The following THOC5 variants were observed in gnomAD, a reference collection of about 807,000 sequenced individuals.
THOC5 encodes the protein Fms-interacting protein.
Under a neutral mutation model 92.9 loss-of-function variants are expected in THOC5, and 43 were observed. That is an observed-to-expected ratio of 0.46 (90% CI 0.36 to 0.60). The LOEUF (loss-of-function observed/expected upper bound fraction) is 0.60, where lower values mean the gene tolerates loss of function less well. Among genes scored for constraint, THOC5 ranks in the 20% least tolerant of loss-of-function variants. The pLI is 0.00. For missense variants in THOC5, 659 were observed against 849.4 expected, an observed-to-expected ratio of 0.78 and a Z score of 2.79; for synonymous variants, 296 against 320.1, an observed-to-expected ratio of 0.92 and a Z score of 0.80.
chr22:29,523,484 C>G (rs2063485187), intron 12 of THOC5, among the ~76,000 whole-genome samples: 1 of 152,180 alleles, frequency 6.6e-6, no homozygotes, highest in Non-Finnish European at 1.5e-5. Context: ...GATCAAGTCT[C>G]TAAGCCAACT....
At chr22:29,511,990 GCTC>G in intron 18 of THOC5, 28 bp downstream of exon 18, 1 of 1,595,932 alleles carries the variant, frequency 6.3e-7, no homozygotes, top group East Asian at 2.2e-5. Context: ...AGCTCTGCCT[GCTC>G]CTCCTGTCAT....
At chr22:29,539,126 A>C (rs1445736974) in intron 6 of THOC5, among the ~76,000 whole-genome samples, 2 of 151,616 alleles carry the variant, frequency 1.3e-5, no homozygotes, top group South Asian at 2.1e-4. Flanking sequence ...AAAAAAAAAA[A>C]AAAAACCCTT....
chr22:29,520,223 T>G (rs898548663), intron 13 of THOC5, 119 bp from the exon 14 acceptor site: 3 of 759,284 alleles, frequency 4.0e-6, no homozygotes, highest in Non-Finnish European at 6.2e-6. Context: ...GGTTTGGCCA[T>G]GTTCACAGCC....
Position 29,508,535 on chromosome 22 carries a change from G to C in THOC5, c.1989-15C>G. 6.2e-7 allele frequency: 1 copy of C among 1,608,634 alleles called. No individual in the cohort carries two copies. The highest frequency in any genetic ancestry group is 8.5e-7 in the Non-Finnish European group (1 of 1,175,016). ...TGCTAGGACCCCTAGAGAAATAGGA[G>C]AACGGAGTTGTTAATAACACACCTT... On this transcript the variant is annotated splice_polypyrimidine_tract_variant and intron_variant, in intron 19 of 19. Coordinates refer to ENST00000490103, the MANE Select transcript of THOC5 (RefSeq NM_003678.5).
intron 14 of THOC5, 63 bp downstream of exon 14, chr22:29,519,943 TAG>T (rs1183981263): frequency 4.3e-6 from 6 of 1,409,980 alleles, no homozygotes; most frequent in Non-Finnish European, 5.9e-6. Flanking sequence ...CTGGCCTTTC[TAG>T]AGTCTATACA....
chr22:29,538,547 C>T (rs931787058), intron 6 of THOC5, among the ~76,000 whole-genome samples: 3 of 151,998 alleles, frequency 2.0e-5, no homozygotes, highest in Non-Finnish European at 2.9e-5. Flanking sequence ...CCTGTAATCC[C>T]AGCACTTTGG....
At position 29,529,191 on chromosome 22, in the gene THOC5, G is replaced by A; in HGVS notation, c.896C>T (p.Ala299Val). ...GGAGTCCTCTGGAGGTTTGAACAGA[G>A]CCTTGGCTTCATCCACACTGCCTTC... ...AIEGSVDEAKALFKPPEDSQD... is the reference protein window; with the variant it reads ...AIEGSVDEAKVLFKPPEDSQD... Residue 299 changes from alanine to valine, a missense_variant, in exon 9 of 20, where the codon GCT (alanine) becomes GTT (valine). Coordinates refer to ENST00000490103, the MANE Select transcript of THOC5 (RefSeq NM_003678.5). 1 of 1,614,236 alleles carries A rather than the reference G, an allele frequency of 6.2e-7. No individual in the cohort carries two copies. Among genetic ancestry groups the A allele is most frequent in the African/African-American group, 1.3e-5 (1 of 75,072 alleles).
intron 13 of THOC5, among the ~76,000 whole-genome samples, chr22:29,520,382 T>C (rs1202148046): frequency 6.6e-6 from 1 of 152,268 alleles, no homozygotes; most frequent in Non-Finnish European, 1.5e-5. Flanking sequence ...AATGTCTTTA[T>C]TGGTCTACCA....
intron 5 of THOC5, among the ~76,000 whole-genome samples, chr22:29,540,067 G>GTCA (rs1452880392): frequency 1.3e-5 from 2 of 152,158 alleles, no homozygotes; most frequent in Non-Finnish European, 2.9e-5. Flanking sequence ...ATTACCTGAG[G>GTCA]TCAGGAGTTC....
intron 19 of THOC5, among the ~76,000 whole-genome samples, chr22:29,509,609 G>C (rs1314101863): frequency 1.3e-5 from 2 of 150,784 alleles, no homozygotes; most frequent in Non-Finnish European, 3.0e-5. Flanking sequence ...CTGGCTGTCT[G>C]AGAACAAGGT....
intron 8 of THOC5, among the ~76,000 whole-genome samples, chr22:29,529,612 A>G (rs2063613437): frequency 6.6e-6 from 1 of 152,208 alleles, no homozygotes; most frequent in Admixed American, 6.5e-5. Flanking sequence ...ACACCTGTCC[A>G]CATCCCAGAA....
At position 29,528,171 on chromosome 22, in the gene THOC5, G is replaced by T. The variant is rs1171590960; in HGVS notation, c.973C>A (p.Arg325=). ...DAEEEQTTKR[R]RPTLGVQLDD... ...AACTGAACCCCCAGTGTGGGTCTCCGGCGCTTCTGGACAAAGGAAAGTGCC... is the reference window on the plus strand; with the variant it reads ...AACTGAACCCCCAGTGTGGGTCTCCTGCGCTTCTGGACAAAGGAAAGTGCC... The change falls in exon 11 of 20, where the codon CGG becomes AGG. Residue 325 remains arginine (R), a synonymous_variant. Transcript: ENST00000490103. The T allele has an allele frequency of 1.2e-6, 2 of 1,613,946 alleles. No individual in the cohort carries two copies. The highest frequency in any genetic ancestry group is 1.3e-5 in the African/African-American group (1 of 74,866).
At chr22:29,514,866 C>A (rs994544950) in intron 17 of THOC5, among the ~76,000 whole-genome samples, 2 of 151,712 alleles carry the variant, frequency 1.3e-5, no homozygotes, top group African/African-American at 2.4e-5. Context: ...CCACCAACCC[C>A]GGCTAACTTT....
chr22:29,512,464 T>C (rs2063243573), intron 17 of THOC5, among the ~76,000 whole-genome samples: 1 of 152,224 alleles, frequency 6.6e-6, no homozygotes, highest in African/African-American at 2.4e-5. Flanking sequence ...ATTTCTTTAT[T>C]TGCCAGCAAG....
At chr22:29,552,727 C>T (rs1378911857) in intron 1 of THOC5, among the ~76,000 whole-genome samples, 2 of 152,144 alleles carry the variant, frequency 1.3e-5, no homozygotes, top group African/African-American at 4.8e-5. Flanking sequence ...GCCGCCACCC[C>T]GTCTGGGAGG....
rs1211196469 is a variant in THOC5 at position 29,506,082 on chromosome 22, A to T, written c.*2375T>A. On this transcript the variant is annotated 3_prime_UTR_variant, in exon 20 of 20. Coordinates refer to ENST00000490103, the MANE Select transcript of THOC5 (RefSeq NM_003678.5). ...ACCATGTTGGCCAGGCTGGTCTTGA[A>T]CTCCTGATCTCAGGTGATCCGCCCA... is the stretch of plus-strand genomic sequence containing the variant. 6.6e-6 allele frequency: 1 copy of T among 151,504 alleles called. No individual in the cohort carries two copies. The highest frequency in any genetic ancestry group is 1.5e-5 in the Non-Finnish European group (1 of 67,898). 9.4% of individuals were successfully genotyped at this position (151,504 alleles called of 1,614,324 possible).
At position 29,519,098 on chromosome 22, in the gene THOC5, G is replaced by A. The variant is rs200435124; in HGVS notation, c.1397C>T (p.Ser466Leu). 2.4e-4 allele frequency: 392 copies of A among 1,611,074 alleles called. No homozygotes were observed. The highest frequency in any genetic ancestry group is 3.5e-4 in the Admixed American group (21 of 59,642). ...GGTCTCCATGTGGCTGGCGCTCAGC[G>A]AGTGGTCAGCAATCACTGTTTGCTG... is the stretch of plus-strand genomic sequence containing the variant. ...QPQQTVIADH[S>L]LSASHMETTM... Residue 466 changes from serine to leucine, a missense_variant, in exon 15 of 20, where the codon TCG becomes TTG. Transcript: ENST00000490103.
chr22:29,534,942 G>A (rs1438200971), intron 7 of THOC5: 1 of 135,508 alleles, frequency 7.4e-6, no homozygotes, highest in Non-Finnish European at 1.6e-5. Flanking sequence ...CTGGGTGATA[G>A]AGCGAGACTC....
chr22:29,537,658 G>A (rs568090807), intron 6 of THOC5, among the ~76,000 whole-genome samples: 8 of 152,170 alleles, frequency 5.3e-5, no homozygotes, highest in South Asian at 2.1e-4. Flanking sequence ...TTGGGAAGCC[G>A]AGGCAGGTGA....
Sources: allele counts gnomAD v4.1 joint callset (sites outside exome capture counted in the v4.1 genomes callset), GRCh38; gene constraint gnomAD v4.1.1; transcripts MANE v1.5; gene names NCBI Gene and HGNC (gene_info 2026-07-23, HGNC 2026-07-21).